NKAIN3: variants seen among roughly 807,000 people sequenced by gnomAD.
NKAIN3 encodes the protein sodium/potassium-transporting ATPase subunit beta-1-interacting protein 3.
In NKAIN3, 25 loss-of-function variants were observed where a neutral mutation model predicts 30.2. That is an observed-to-expected ratio of 0.83 (90% confidence interval 0.60 to 1.16). NKAIN3 has a LOEUF of 1.16. Ranked by LOEUF, NKAIN3 falls within the 50% of genes most tolerant of loss-of-function variation. The probability of loss-of-function intolerance (pLI) is 0.00; values close to 1 mark genes in which losing one functional copy is unlikely to be tolerated. For synonymous variants in NKAIN3, 91 were observed against 89.6 expected (o/e 1.02, Z -0.09); for missense variants, 225 against 254.1 (o/e 0.89, Z 0.78).
At chr8:62,455,992 T>C (rs1585828331) in intron 1 of NKAIN3, among the ~76,000 whole-genome samples, 1 of 152,232 alleles carries the variant, frequency 6.6e-6, no homozygotes. Context: ...GGATAAGTGG[T>C]CTGTGCAGAT....
chr8:62,781,185 G>T (rs1817343083), intron 4 of NKAIN3, among the ~76,000 whole-genome samples: 1 of 151,260 alleles, frequency 6.6e-6, no homozygotes, highest in Non-Finnish European at 1.5e-5. Context: ...TAAAATAGCT[G>T]CAAAAAATAA....
chr8:62,649,579 A>G (rs778656154), intron 3 of NKAIN3, among the ~76,000 whole-genome samples: 2 of 152,210 alleles, frequency 1.3e-5, no homozygotes, highest in Non-Finnish European at 1.5e-5. Context: ...AGATATAATG[A>G]CAAAGGTTAT....
At chr8:62,932,202 T>A (rs552299089) in intron 5 of NKAIN3, among the ~76,000 whole-genome samples, 1 of 152,356 alleles carries the variant, frequency 6.6e-6, no homozygotes, top group East Asian at 1.9e-4. Context: ...AGCTAATTTT[T>A]CACTTATTAA....
chr8:62,901,888 G>T (rs899740036), intron 4 of NKAIN3, among the ~76,000 whole-genome samples: 4 of 152,184 alleles, frequency 2.6e-5, no homozygotes, highest in Admixed American at 2.6e-4. Flanking sequence ...TGGATGGCAG[G>T]AGCAGCACCT....
At chr8:62,394,505 ACTT>A (rs1817669446) in intron 1 of NKAIN3, among the ~76,000 whole-genome samples, 1 of 129,726 alleles carries the variant, frequency 7.7e-6, no homozygotes, top group Non-Finnish European at 1.7e-5. Flanking sequence ...TTAAAAGTAA[ACTT>A]TAATGTCAAA....
chr8:62,712,442 A>G (rs1398506205), intron 3 of NKAIN3, among the ~76,000 whole-genome samples: 2 of 152,062 alleles, frequency 1.3e-5, no homozygotes, highest in Non-Finnish European at 2.9e-5. Flanking sequence ...GGTAAGATTC[A>G]CAGGTCACTG....
At chr8:62,273,300 A>T (rs1812831586) in intron 1 of NKAIN3, among the ~76,000 whole-genome samples, 1 of 152,198 alleles carries the variant, frequency 6.6e-6, no homozygotes, top group Admixed American at 6.5e-5. Context: ...ATTTAATTTA[A>T]TTAAAAAAAT....
chr8:62,345,258 T>TATAC (rs139656573), intron 1 of NKAIN3, among the ~76,000 whole-genome samples: 31 of 142,778 alleles, frequency 2.2e-4, no homozygotes, highest in Non-Finnish European at 3.9e-4. Flanking sequence ...GGTATATATA[T>TATAC]ACACACACAC....
intron 3 of NKAIN3, among the ~76,000 whole-genome samples, chr8:62,638,299 A>G (rs1226668838): frequency 6.6e-6 from 1 of 152,044 alleles, no homozygotes; most frequent in African/African-American, 2.4e-5. Context: ...CACTTTCTCC[A>G]TTTTTCTTAT....
At chr8:62,581,045 G>T in intron 2 of NKAIN3, among the ~76,000 whole-genome samples, 1 of 149,694 alleles carries the variant, frequency 6.7e-6, no homozygotes, top group East Asian at 1.9e-4. Context: ...CAAAGCTGCA[G>T]TAAGCCATGA....
At chr8:62,434,443 C>T (rs893872675) in intron 1 of NKAIN3, among the ~76,000 whole-genome samples, 13 of 152,070 alleles carry the variant, frequency 8.5e-5, no homozygotes, top group African/African-American at 2.7e-4. Flanking sequence ...GCAGGAGGAT[C>T]GTTTTCTTTG....
chr8:62,892,817 C>A (rs2130826931), intron 4 of NKAIN3, among the ~76,000 whole-genome samples: 1 of 152,120 alleles, frequency 6.6e-6, no homozygotes, highest in Non-Finnish European at 1.5e-5. Context: ...GAGAATCTGT[C>A]ATTAATTTGG....
At chr8:62,552,565 G>T (rs1168784221) in intron 1 of NKAIN3, among the ~76,000 whole-genome samples, 1 of 152,178 alleles carries the variant, frequency 6.6e-6, no homozygotes, top group Non-Finnish European at 1.5e-5. Context: ...AATGAAAAAT[G>T]AAACATGCCA....
At chr8:62,475,574 T>C (rs753180544) in intron 1 of NKAIN3, among the ~76,000 whole-genome samples, 11 of 152,184 alleles carry the variant, frequency 7.2e-5, no homozygotes, top group Non-Finnish European at 4.4e-5. Context: ...TTTTAGAATG[T>C]TTCATCATCC....
intron 1 of NKAIN3, among the ~76,000 whole-genome samples, chr8:62,325,288 A>G (rs1427416240): frequency 2.6e-5 from 4 of 152,114 alleles, no homozygotes; most frequent in African/African-American, 9.7e-5. Flanking sequence ...AGCTCCATCC[A>G]CATTGCTACA....
At chr8:62,823,822 G>C (rs1818932507) in intron 4 of NKAIN3, among the ~76,000 whole-genome samples, 2 of 152,156 alleles carry the variant, frequency 1.3e-5, no homozygotes, top group African/African-American at 4.8e-5. Context: ...GCTCAAGGTA[G>C]TGTCATTCCA....
At position 62,971,337 on chromosome 8, in the gene NKAIN3, A is replaced by G. The variant is rs752048594; in HGVS notation, c.*5930A>G. Among the ~76,000 whole-genome samples, 78 of 152,192 alleles carry G rather than the reference A, an allele frequency of 5.1e-4. No homozygotes were observed. The highest frequency in any genetic ancestry group is 9.0e-4 in the Non-Finnish European group (61 of 68,034). On this transcript the variant is annotated 3_prime_UTR_variant, in exon 7 of 7. Transcript: ENST00000623646. ...TTTATTCTTAATGACTTTATGCTTA[A>G]CTAAAAAGTAAGAGCTTTGCTGGAC... is the stretch of plus-strand genomic sequence containing the variant.
intron 4 of NKAIN3, among the ~76,000 whole-genome samples, chr8:62,838,901 T>A (rs1819447919): frequency 6.6e-6 from 1 of 152,146 alleles, no homozygotes; most frequent in African/African-American, 2.4e-5. Context: ...TATTAACTTT[T>A]AGCTTTGGAT....
In NKAIN3 at chr8:62,977,481, G is replaced by A. The variant is rs1010961432; in HGVS notation, c.*12074G>A. Among the ~76,000 whole-genome samples, 3 of 151,422 alleles carry A rather than the reference G, an allele frequency of 2.0e-5. No individual in the cohort carries two copies. Among genetic ancestry groups the A allele is most frequent in the African/African-American group, 4.9e-5 (2 of 41,196 alleles). ...CTGATATCCTTTCTTCTGCTTGATC[G>A]ATTCAGCTATTGATACTTGTGTATG... On this transcript the variant is annotated 3_prime_UTR_variant, in exon 7 of 7. Coordinates refer to ENST00000623646, the MANE Select transcript of NKAIN3 (RefSeq NM_001304533.3).
Sources: gnomAD v4.1 joint callset for allele counts (sites outside exome capture counted in the v4.1 genomes callset) on GRCh38, gnomAD v4.1.1 for gene constraint, MANE v1.5 for transcripts, NCBI Gene and HGNC (gene_info 2026-07-23, HGNC 2026-07-21) for gene names.